TRIM71: variants seen among roughly 807,000 people sequenced by gnomAD.
TRIM71 encodes the protein tripartite motif containing 71.
A neutral mutation model predicts 61.2 loss-of-function variants in TRIM71; 9 were observed. The ratio of observed to expected loss-of-function variants is 0.15; its 90% CI spans 0.09 to 0.26. The LOEUF (loss-of-function observed/expected upper bound fraction) is 0.26. Ranked by LOEUF, TRIM71 falls within the 10% of genes least tolerant of loss-of-function variation. TRIM71 has a pLI of 1.00. For missense variants in TRIM71, 998 were observed against 1,238.7 expected, an observed-to-expected ratio of 0.81 and a Z score of 2.92; for synonymous variants, 645 against 553.2, an observed-to-expected ratio of 1.17 and a Z score of -2.33.
At chr3:32,819,018 G>A (rs1439232848) in intron 1 of TRIM71, 86 bp downstream of exon 1, 2 of 1,448,368 alleles carry the variant, frequency 1.4e-6, no homozygotes, top group Admixed American at 2.0e-5. Flanking sequence ...CACAGCGAGG[G>A]GAGGAGGCCC....
chr3:32,818,868 C>T lies in TRIM71; in HGVS notation c.788C>T (p.Pro263Leu). ...GGGCTCGGGCCGCCCTTTCCCGGCC[C>T]GCCCTTCTCCATCCTCTCAGTGTTT... Reference protein sequence around the residue: ...QLGLGPPFPGPPFSILSVFPE... With the variant: ...QLGLGPPFPGLPFSILSVFPE... Residue 263 changes from proline (P) to leucine (L), a missense_variant, in exon 1 of 4, where the codon CCG becomes CTG. Pro to Leu is a moderately conservative substitution (Grantham distance 98). Around this residue, in one of 5 missense-constraint regions of TRIM71, gnomAD observed 527 missense variants for 427.8 expected, o/e 1.23. Transcript: ENST00000383763. The T allele has an allele frequency of 6.2e-7, 1 of 1,612,482 alleles. No individual in the cohort carries two copies. Among genetic ancestry groups the T allele is most frequent in the South Asian group, 1.1e-5 (1 of 91,066 alleles).
At chr3:32,858,648 TGGAAAGACTAA>T (rs1559544392) in intron 1 of TRIM71, among the ~76,000 whole-genome samples, 1 of 152,084 alleles carries the variant, frequency 6.6e-6, no homozygotes, top group Non-Finnish European at 1.5e-5. Context: ...ATGAGTATTG[TGGAAAGACTAA>T]GGAAAGCCAC....
chr3:32,893,772 T>G lies in TRIM71; in HGVS notation c.*1961T>G, dbSNP rs1453375043. The G allele has an allele frequency of 6.6e-6, 1 of 152,126 alleles. No homozygotes were observed. The highest frequency in any genetic ancestry group is 1.5e-5 in the Non-Finnish European group (1 of 68,032). The allele number at this position is 152,126 out of a possible 1,614,324, so 9.4% of individuals were successfully genotyped here. ...AGTTGCTTTTCCCGTACACCTCTTT[T>G]GGACGTTTAATTTACTACTACTACA... On this transcript the variant is annotated 3_prime_UTR_variant, in exon 4 of 4. Coordinates refer to ENST00000383763, the MANE Select transcript of TRIM71 (RefSeq NM_001039111.3).
At chr3:32,866,445 G>C (rs1417727741) in intron 1 of TRIM71, among the ~76,000 whole-genome samples, 3 of 151,824 alleles carry the variant, frequency 2.0e-5, no homozygotes, top group Admixed American at 6.6e-5. Flanking sequence ...TCACCATGTT[G>C]GCCAGGCTAG....
intron 1 of TRIM71, among the ~76,000 whole-genome samples, chr3:32,847,484 C>T (rs555062357): frequency 2.0e-5 from 3 of 152,262 alleles, no homozygotes; most frequent in African/African-American, 4.8e-5. Flanking sequence ...TGTGAGCCAC[C>T]GCACCCAGCC....
At position 32,893,469 on chromosome 3, in the gene TRIM71, T is replaced by TG. The variant is rs1697048602; in HGVS notation, c.*1661dup. 1 of 152,132 alleles carries TG rather than the reference T, an allele frequency of 6.6e-6. No homozygotes were observed. Among genetic ancestry groups the TG allele is most frequent in the Non-Finnish European group, 1.5e-5 (1 of 68,024 alleles). The allele number at this position is 152,132 out of a possible 1,614,324, so 9.4% of individuals were successfully genotyped here. A position where few individuals can be genotyped will look rare whatever the true frequency, so the allele number is the denominator to read the frequency against. On this transcript the variant is annotated 3_prime_UTR_variant, in exon 4 of 4. Coordinates refer to ENST00000383763, the MANE Select transcript of TRIM71 (RefSeq NM_001039111.3). Reference sequence around the variant, plus strand: ...TGATACCCTGCTTGTCAGAACCCAGTGGGTTCCTGCAATGCCCCAAATACT... The same window carrying TG: ...TGATACCCTGCTTGTCAGAACCCAGTGGGGTTCCTGCAATGCCCCAAATACT...
chr3:32,837,601 C>T (rs903984327), intron 1 of TRIM71, among the ~76,000 whole-genome samples: 2 of 152,086 alleles, frequency 1.3e-5, no homozygotes, highest in Non-Finnish European at 2.9e-5. Context: ...GGACGAATCA[C>T]GAGGTCAGGA....
Position 32,890,416 on chromosome 3 carries a change from G to A in TRIM71, c.1212G>A (p.Leu404=), listed in dbSNP as rs201290548. 4.3e-6 allele frequency: 7 copies of A among 1,613,884 alleles called. No homozygotes were observed. The African/African-American group carries it at 6.7e-5, about 15-fold the overall frequency. ...AKSLYLQVEK[L]RQNLNKLEST... ...CTCTGTACCTGCAGGTGGAGAAGCT[G>A]CGGCAAAACCTCAACAAGCTTGAGA... The change falls in exon 4 of 4, where the codon CTG becomes CTA. Residue 404 remains leucine (L), a synonymous_variant. Transcript: ENST00000383763. This position sits in a 1 kb window ranked among gnomAD's most constrained non-coding sequence, Gnocchi z 6.2.
In TRIM71 at chr3:32,891,122, C is replaced by T. The variant is rs1410261234; in HGVS notation, c.1918C>T (p.His640Tyr). 8 of 1,612,020 alleles carry T rather than the reference C, an allele frequency of 5.0e-6. No homozygotes were observed. The Admixed American group carries it at 5.0e-5, about 10-fold the overall frequency. ...IQVFKPCGAF[H>Y]HKFGTLGSRP... ...GGTGTTCAAGCCCTGCGGCGCCTTC[C>T]ACCACAAATTCGGCACCCTGGGCTC... The change falls in exon 4 of 4, where the codon CAC (histidine) becomes TAC (tyrosine). Residue 640 changes from histidine (H) to tyrosine (Y), a missense_variant. Around this residue, in one of 5 missense-constraint regions of TRIM71, gnomAD observed 83 missense variants for 202.7 expected, o/e 0.41. Coordinates refer to ENST00000383763, the MANE Select transcript of TRIM71 (RefSeq NM_001039111.3). The surrounding 1 kb of genome is among the most constrained non-coding windows in gnomAD (Gnocchi z 8.2).
At position 32,896,049 on chromosome 3, in the gene TRIM71, T is replaced by TC. The variant is rs1165521925; in HGVS notation, c.*4243dup. ...AAGTAGTTCTTAGCAATCTGGCTTT[T>TC]CCCCCTCAAAAAGAATTATGCATAC... is the stretch of plus-strand genomic sequence containing the variant. On this transcript the variant is annotated 3_prime_UTR_variant, in exon 4 of 4. Coordinates refer to ENST00000383763, the MANE Select transcript of TRIM71 (RefSeq NM_001039111.3). 6.6e-6 allele frequency: 1 copy of TC among 152,180 alleles called. No homozygotes were observed. The highest frequency in any genetic ancestry group is 6.5e-5 in the Admixed American group (1 of 15,268). The allele number at this position is 152,180 out of a possible 1,614,324, so 9.4% of individuals were successfully genotyped here.
At chr3:32,848,671 T>G (rs1412768289) in intron 1 of TRIM71, among the ~76,000 whole-genome samples, 2 of 152,214 alleles carry the variant, frequency 1.3e-5, no homozygotes, top group African/African-American at 4.8e-5. Context: ...CCAGGCAGTT[T>G]TAAAATGCCT....
At chr3:32,826,973 C>T (rs1169358393) in intron 1 of TRIM71, among the ~76,000 whole-genome samples, 1 of 150,672 alleles carries the variant, frequency 6.6e-6, no homozygotes, top group Non-Finnish European at 1.5e-5. Context: ...ACTGTGTTAG[C>T]CAGGATGGTC....
chr3:32,872,246 G>A (rs78278754), intron 1 of TRIM71, among the ~76,000 whole-genome samples: 2 of 152,046 alleles, frequency 1.3e-5, no homozygotes, highest in African/African-American at 2.4e-5. Context: ...TAAATCTTTC[G>A]TTTTTCCTGT....
chr3:32,823,743 T>G (rs1696166537), intron 1 of TRIM71, among the ~76,000 whole-genome samples: 1 of 146,046 alleles, frequency 6.8e-6, no homozygotes, highest in Non-Finnish European at 1.5e-5. Flanking sequence ...CACTCCAGCC[T>G]GGGTGACGGA....
rs1697058248 is a variant in TRIM71 at position 32,894,383 on chromosome 3, T to G, written c.*2572T>G. The G allele has an allele frequency of 6.6e-6, 1 of 152,224 alleles. No individual in the cohort carries two copies. The highest frequency in any genetic ancestry group is 1.9e-4 in the East Asian group (1 of 5,202). The allele number at this position is 152,224 out of a possible 1,614,324, so 9.4% of individuals were successfully genotyped here. ...TAGAGCTCCTTATTTGACATTTTAC[T>G]ATGGATGTGATCGAAAAGCCAAGAT... On this transcript the variant is annotated 3_prime_UTR_variant, in exon 4 of 4. Coordinates refer to ENST00000383763, the MANE Select transcript of TRIM71 (RefSeq NM_001039111.3).
rs1697017129 is a variant in TRIM71 at position 32,890,859 on chromosome 3, A to G, written c.1655A>G (p.Tyr552Cys). Residue 552 changes from tyrosine (Y) to cysteine (C), a missense_variant, in exon 4 of 4, where the codon TAC becomes TGC. Around this residue, in one of 5 missense-constraint regions of TRIM71, gnomAD observed 291 missense variants for 431.2 expected, o/e 0.67. Transcript: ENST00000383763. The surrounding 1 kb of genome is among the most constrained non-coding windows in gnomAD (Gnocchi z 6.2). Reference protein sequence around the residue: ...DQQNGTYVVSYRPQLEGEHLV... With the variant: ...DQQNGTYVVSCRPQLEGEHLV... The stretch of plus-strand genomic sequence containing the variant: ...CAGAATGGGACATACGTGGTGAGTT[A>G]CCGACCCCAGCTGGAGGGTGAGCAC... 1 of 1,614,066 alleles carries G rather than the reference A, an allele frequency of 6.2e-7. No individual in the cohort carries two copies. The highest frequency in any genetic ancestry group is 1.3e-5 in the African/African-American group (1 of 74,916).
At chr3:32,851,526 G>A (rs568049753) in intron 1 of TRIM71, among the ~76,000 whole-genome samples, 2 of 152,286 alleles carry the variant, frequency 1.3e-5, no homozygotes, top group Non-Finnish European at 2.9e-5. Flanking sequence ...CGCCAAGGCT[G>A]TAGTTACAGT....
chr3:32,834,374 G>T (rs1696308484), intron 1 of TRIM71, among the ~76,000 whole-genome samples: 1 of 152,064 alleles, frequency 6.6e-6, no homozygotes, highest in Non-Finnish European at 1.5e-5. Context: ...GACTTGCCTT[G>T]ATTGAGATCC....
intron 1 of TRIM71, among the ~76,000 whole-genome samples, chr3:32,843,668 C>A (rs965610754): frequency 6.6e-6 from 1 of 152,178 alleles, no homozygotes; most frequent in Non-Finnish European, 1.5e-5. Context: ...AGGCTTAATG[C>A]CCGCCTGCGT....
Sources: gnomAD v4.1 joint callset for allele counts (sites outside exome capture counted in the v4.1 genomes callset) on GRCh38, gnomAD v4.1.1 for gene constraint, gnomAD v4.1.1 regional missense constraint, Gnocchi (gnomAD v3.1) non-coding constraint, MANE v1.5 for transcripts, NCBI Gene and HGNC (gene_info 2026-07-23, HGNC 2026-07-21) for gene names.